The following CTPS2 variants were observed in gnomAD, a reference collection of about 807,000 sequenced individuals.
The protein encoded by CTPS2 is CTP synthase II.
In CTPS2, 19 loss-of-function variants were observed where a neutral mutation model predicts 46.8. The ratio of observed to expected loss-of-function variants is 0.41; its 90% CI spans 0.28 to 0.60. The LOEUF is 0.60. CTPS2 is among the 20% of genes least tolerant of loss of function. CTPS2 has a pLI of 0.35. For synonymous variants in CTPS2, 151 were observed against 165.2 expected (o/e 0.91, Z 0.66); for missense variants, 286 against 447.6 (o/e 0.64, Z 3.26).
chrX:16,626,279 G>A (rs1931145192), intron 14 of CTPS2, among the ~76,000 whole-genome samples: 1 of 111,192 alleles, frequency 9.0e-6, no homozygotes. Flanking sequence ...CTACTCAGGA[G>A]GCTGAGGCAG....
Position 16,712,357 on chromosome X carries a change from G to A in CTPS2, c.-62C>T, listed in dbSNP as rs1925528706. On this transcript the variant is annotated 5_prime_UTR_variant, in exon 1 of 19. Coordinates refer to ENST00000359276, the MANE Select transcript of CTPS2 (RefSeq NM_175859.3). ...TACCTGCGCGGTGGTGGTAGCACCG[G>A]GGAGGGTGGCCGGTGGGCACGGCGG... 1 of 112,472 alleles carries A rather than the reference G, an allele frequency of 8.9e-6. No individual in the cohort carries two copies. The highest frequency in any genetic ancestry group is 1.9e-5 in the Non-Finnish European group (1 of 53,088). 9.3% of individuals were successfully genotyped at this position (112,472 alleles called of 1,213,427 possible). A position where few individuals can be genotyped will look rare whatever the true frequency, so the allele number is the denominator to read the frequency against.
intron 10 of CTPS2, 50 bp from the exon 11 acceptor site, chrX:16,670,724 A>T (rs749787742): frequency 8.1e-6 from 7 of 867,936 alleles, no homozygotes; most frequent in Non-Finnish European, 1.2e-5. Context: ...TTTTTTTTTT[A>T]AACTAGTGTA....
intron 14 of CTPS2, among the ~76,000 whole-genome samples, chrX:16,628,821 C>G (rs1931305448): frequency 8.9e-6 from 1 of 111,878 alleles, no homozygotes; most frequent in Admixed American, 9.5e-5. Context: ...ATTCTTCCCT[C>G]CCACTCCCCT....
At chrX:16,695,745 G>T (rs982798981) in intron 4 of CTPS2, among the ~76,000 whole-genome samples, 1 of 110,297 alleles carries the variant, frequency 9.1e-6, no homozygotes, top group Non-Finnish European at 1.9e-5. Flanking sequence ...TAGAGACGGG[G>T]TTTCACCGTG....
intron 2 of CTPS2, among the ~76,000 whole-genome samples, chrX:16,702,282 C>A (rs1236938060): frequency 8.9e-6 from 1 of 111,913 alleles, no homozygotes; most frequent in Admixed American, 9.6e-5. Context: ...TCTCGATCTT[C>A]TGACCTCGTG....
Position 16,604,153 on chromosome X carries a change from A to C in CTPS2, c.1691+5388T>G, listed in dbSNP as rs116791631. 4.2e-3 allele frequency among the ~76,000 whole-genome samples: 466 copies of C among 112,004 alleles called. 4 individuals carry two copies. Among genetic ancestry groups the C allele is most frequent in the African/African-American group, 0.014 (443 of 30,807 alleles). On this transcript the variant is annotated intron_variant, in intron 17 of 18. Coordinates refer to ENST00000359276, the MANE Select transcript of CTPS2 (RefSeq NM_175859.3). ...ACCACGCTGCTTCCTGTTTTGCCAC[A>C]AAAAGATGATTTATCTGCACAAGAG...
intron 1 of CTPS2, among the ~76,000 whole-genome samples, chrX:16,706,278 C>T (rs1412704409): frequency 2.9e-5 from 3 of 103,846 alleles, no homozygotes; most frequent in East Asian, 6.1e-4. Context: ...AAAAAATTAG[C>T]CAGGTGTGGT....
At chrX:16,696,457 C>T (rs1167827848) in intron 4 of CTPS2, among the ~76,000 whole-genome samples, 2 of 112,154 alleles carry the variant, frequency 1.8e-5, no homozygotes, top group Non-Finnish European at 3.8e-5. Flanking sequence ...AACCTCACAT[C>T]CTTAGCAGCT....
intron 17 of CTPS2, among the ~76,000 whole-genome samples, chrX:16,600,654 C>T (rs778855651): frequency 2.7e-5 from 3 of 111,619 alleles, no homozygotes; most frequent in Admixed American, 9.5e-5. Flanking sequence ...GTTAAAAGCA[C>T]CTTTTAACCA....
intron 8 of CTPS2, among the ~76,000 whole-genome samples, chrX:16,683,804 A>G (rs1048523899): frequency 3.6e-5 from 4 of 112,481 alleles, no homozygotes; most frequent in African/African-American, 1.3e-4. Flanking sequence ...GAAACATTCC[A>G]ATATTAACTT....
chrX:16,691,652 G>A (rs1043375961), intron 6 of CTPS2, 32 bp from the exon 7 acceptor site: 2 of 1,126,171 alleles, frequency 1.8e-6, no homozygotes, highest in Non-Finnish European at 2.4e-6. Flanking sequence ...CAGCAAACAG[G>A]ATTCACTTTC....
At chrX:16,623,768 T>C (rs1930962617) in intron 14 of CTPS2, among the ~76,000 whole-genome samples, 1 of 102,414 alleles carries the variant, frequency 9.8e-6, no homozygotes, top group African/African-American at 3.6e-5. Flanking sequence ...TTCGGGTATA[T>C]ACCCAGCAGT....
rs141784258 is a variant in CTPS2 at position 16,641,289 on chromosome X, C to A, written c.1297-2046G>T. ...CTACAGGGATAACCTCCCCTAATTT[C>A]TTGATAGAAGTGCACTACGACTCTT... On this transcript the variant is annotated intron_variant, in intron 13 of 18. Coordinates refer to ENST00000359276, the MANE Select transcript of CTPS2 (RefSeq NM_175859.3). Among the ~76,000 whole-genome samples, 435 of 112,346 alleles carry A rather than the reference C, an allele frequency of 3.9e-3. 3 individuals carry two copies. The highest frequency in any genetic ancestry group is 0.013 in the African/African-American group (415 of 30,958).
At chrX:16,632,605 G>T (rs1238015160) in intron 14 of CTPS2, among the ~76,000 whole-genome samples, 7 of 110,394 alleles carry the variant, frequency 6.3e-5, no homozygotes, top group Non-Finnish European at 1.3e-4. Flanking sequence ...TGTATTTTTA[G>T]TAGAGACAAG....
intron 8 of CTPS2, among the ~76,000 whole-genome samples, chrX:16,687,474 C>CAAAA (rs35798035): frequency 3.2e-4 from 14 of 43,605 alleles, no homozygotes; most frequent in Admixed American, 1.0e-3. Flanking sequence ...CACCCTGTGT[C>CAAAA]AAAAAAAAAA....
intron 1 of CTPS2, 24 bp downstream of exon 1, chrX:16,712,311 G>C (rs1925526801): frequency 1.8e-5 from 2 of 112,566 alleles, no homozygotes; most frequent in Non-Finnish European, 3.8e-5. Context: ...TGGGGGTCTG[G>C]GACAGGCCCA....
At chrX:16,664,405 G>A (rs749269439) in intron 13 of CTPS2, among the ~76,000 whole-genome samples, 10 of 111,630 alleles carry the variant, frequency 9.0e-5, no homozygotes, top group African/African-American at 3.3e-4. Flanking sequence ...CCATCTGGCT[G>A]GTAAGTTATG....
In CTPS2 at chrX:16,609,549, C is replaced by T. The variant is rs368606087; in HGVS notation, c.1683G>A (p.Leu561=). The T allele has an allele frequency of 9.9e-6, 12 of 1,209,431 alleles. No homozygotes were observed. Among genetic ancestry groups the T allele is most frequent in the East Asian group, 3.0e-5 (1 of 33,775 alleles). ...AGCAGTAAGCTGGTTACCTGGAAGACAGTTTGCAACCCTGTTGCAAGTAGG... is the reference window on the plus strand; with the variant it reads ...AGCAGTAAGCTGGTTACCTGGAAGATAGTTTGCAACCCTGTTGCAAGTAGG... ...LNAYLQQGCK[L]SSSDRYSDAS... Residue 561 remains leucine (L), a synonymous_variant, in exon 17 of 19, where the codon CTG becomes CTA. Transcript: ENST00000359276.
intron 17 of CTPS2, among the ~76,000 whole-genome samples, chrX:16,592,350 T>A (rs1405459664): frequency 1.8e-5 from 2 of 112,314 alleles, no homozygotes; most frequent in Non-Finnish European, 3.8e-5. Flanking sequence ...AAACTATCTT[T>A]TCTCCCCTCT....
Sources: gnomAD v4.1 joint callset for allele counts (sites outside exome capture counted in the v4.1 genomes callset) on GRCh38, gnomAD v4.1.1 for gene constraint, MANE v1.5 for transcripts, NCBI Gene and HGNC (gene_info 2026-07-23, HGNC 2026-07-21) for gene names.